The following NT5C1B variants were observed in gnomAD, a reference collection of about 807,000 sequenced individuals.
NT5C1B encodes cytosolic 5'-nucleotidase 1B.
NT5C1B carries 44 observed loss-of-function variants against 57.8 expected under a neutral mutation model. The observed-to-expected ratio is 0.76, with a 90% CI of 0.60 to 0.98. The LOEUF (loss-of-function observed/expected upper bound fraction) is 0.98, where lower values mean the gene tolerates loss of function less well. Among genes scored for constraint, NT5C1B ranks in the 50% least tolerant of loss-of-function variants. The pLI is 0.00. For missense variants in NT5C1B, 742 were observed against 719.5 expected (o/e 1.03, Z -0.36); for synonymous variants, 284 against 282.6 (o/e 1.00, Z -0.05).
At chr2:18,569,960 A>G (rs1046013822) in intron 8 of NT5C1B, among the ~76,000 whole-genome samples, 9 of 152,112 alleles carry the variant, frequency 5.9e-5, no homozygotes, top group Non-Finnish European at 8.8e-5. Context: ...TTGGCATAAA[A>G]CATACCACAA....
At chr2:18,589,134 T>C (rs534062662) in intron 1 of NT5C1B, among the ~76,000 whole-genome samples, 25 of 152,258 alleles carry the variant, frequency 1.6e-4, no homozygotes, top group Non-Finnish European at 3.4e-4. Flanking sequence ...AGACAGCCAC[T>C]GTTTTTACCT....
intron 2 of NT5C1B, 47 bp from the exon 3 acceptor site, chr2:18,586,438 C>A: frequency 6.2e-7 from 1 of 1,606,992 alleles, no homozygotes; most frequent in Admixed American, 1.7e-5. Flanking sequence ...CCATCACCAA[C>A]TCCTTCTATA....
At chr2:18,564,482 C>T (rs1572290720) in intron 8 of NT5C1B, among the ~76,000 whole-genome samples, 1 of 152,102 alleles carries the variant, frequency 6.6e-6, no homozygotes, top group African/African-American at 2.4e-5. Context: ...AATTAGTTAC[C>T]AAAGCACTAC....
intron 8 of NT5C1B, among the ~76,000 whole-genome samples, chr2:18,572,120 A>G (rs1665259045): frequency 6.6e-6 from 1 of 151,564 alleles, no homozygotes; most frequent in Admixed American, 6.6e-5. Flanking sequence ...CTATAAAACT[A>G]CAATAATCAA....
chr2:18,578,011 A>G (rs2148136097), intron 6 of NT5C1B, among the ~76,000 whole-genome samples: 1 of 152,300 alleles, frequency 6.6e-6, no homozygotes, highest in East Asian at 1.9e-4. Context: ...CATAGAAACT[A>G]GAAAACCTAG....
chr2:18,576,389 A>G, intron 7 of NT5C1B, 21 bp from the exon 8 acceptor site: 12 of 1,601,548 alleles, frequency 7.5e-6, no homozygotes, highest in Non-Finnish European at 1.0e-5. Context: ...ATGGAGACTG[A>G]TTAATACTCT....
chr2:18,563,994 G>A (rs769673623), exon 9 of NT5C1B: 16 of 1,614,002 alleles, frequency 9.9e-6, no homozygotes, highest in Middle Eastern at 1.6e-4. Context: ...GCACACGGGC[G>A]CCTGAACTGG....
chr2:18,586,898 A>G lies in NT5C1B; in HGVS notation c.121-507T>C, dbSNP rs78862800. The G allele has an allele frequency of 5.3e-3, 8,421 of 1,578,776 alleles. 31 individuals carry two copies. The highest frequency in any genetic ancestry group is 6.2e-3 in the Non-Finnish European group (7,130 of 1,159,276). On this transcript the variant is annotated intron_variant, in intron 2 of 8. Transcript: ENST00000304081. ...AAACAAGAATGAAGGACCCCCCGGA[A>G]CAGCAAAGTAAAAGAGTTTCTATTT...
chr2:18,588,446 C>CAATGTTAGTTGCATGAG (rs1427595322), intron 1 of NT5C1B, among the ~76,000 whole-genome samples: 11 of 152,156 alleles, frequency 7.2e-5, no homozygotes, highest in Non-Finnish European at 1.5e-4. Context: ...AAAATCTCAT[C>CAATGTTAGTTGCATGAG]AATGTTAGTT....
intron 1 of NT5C1B, among the ~76,000 whole-genome samples, chr2:18,588,829 A>T (rs1157901107): frequency 1.3e-5 from 2 of 152,194 alleles, no homozygotes; most frequent in East Asian, 3.9e-4. Flanking sequence ...TGGTTTGACC[A>T]GGAGCCTCAT....
intron 3 of NT5C1B, among the ~76,000 whole-genome samples, chr2:18,585,373 T>C (rs1666605692): frequency 6.6e-6 from 1 of 152,178 alleles, no homozygotes; most frequent in Non-Finnish European, 1.5e-5. Flanking sequence ...GGATCTTGCT[T>C]GGCCAGTGCC....
At position 18,589,438 on chromosome 2, in the gene NT5C1B, C is replaced by T. The variant is rs997699333; in HGVS notation, c.30+1G>A. The T allele has an allele frequency of 5.6e-6, 9 of 1,613,990 alleles. No homozygotes were observed. In the Admixed American group the frequency reaches 1.3e-4, roughly 24 times the overall value. On this transcript the variant is annotated splice_donor_variant, in intron 1 of 8. Coordinates refer to ENST00000304081, the Ensembl canonical transcript of NT5C1B. LOFTEE classifies it high-confidence loss of function. ...GATTCTAAGACACTCGGTTCACTCA[C>T]CTTTTTCTGTTTGAGAGATGTTTGA...
intron 8 of NT5C1B, among the ~76,000 whole-genome samples, chr2:18,569,640 T>A (rs1308545217): frequency 6.6e-6 from 1 of 152,054 alleles, no homozygotes; most frequent in Admixed American, 6.6e-5. Context: ...AAGATATTAA[T>A]TAAGATTAAG....
In NT5C1B at chr2:18,584,539, T is replaced by G; in HGVS notation, c.698A>C (p.Asn233Thr). 6.2e-7 allele frequency: 1 copy of G among 1,611,218 alleles called. No individual in the cohort carries two copies. Among genetic ancestry groups the G allele is most frequent in the Non-Finnish European group, 8.5e-7 (1 of 1,179,044 alleles). ...CGGCCAGGGGCGCGAGCAGCTCGGG[T>G]TCTTCTCGTAGAACGACCTCATGGA... The change falls in exon 4 of 9, where the codon AAC becomes ACC. Residue 233 changes from asparagine to threonine, a missense_variant. Physicochemically the swap from Asn to Thr is moderately conservative, Grantham distance 65 (BLOSUM62 0). Coordinates refer to ENST00000304081, the Ensembl canonical transcript of NT5C1B. The surrounding 1 kb of genome is among the most constrained non-coding windows in gnomAD (Gnocchi z 5.8).
chr2:18,576,119 A>G (rs541933727), intron 8 of NT5C1B, 65 bp downstream of exon 8: 122 of 1,449,224 alleles, frequency 8.4e-5, no homozygotes, highest in Non-Finnish European at 1.0e-4. Flanking sequence ...ATGGACCAAT[A>G]TTGATATTTA....
At chr2:18,577,804 AG>A (rs771477837) in intron 6 of NT5C1B, among the ~76,000 whole-genome samples, 26 of 152,224 alleles carry the variant, frequency 1.7e-4, no homozygotes, top group Admixed American at 7.8e-4. Context: ...AATATACAAA[AG>A]ATCAAAAAAC....
chr2:18,571,244 T>C lies in NT5C1B; in HGVS notation c.1329+4940A>G, dbSNP rs142746890. Among the ~76,000 whole-genome samples, 573 of 152,306 alleles carry C rather than the reference T, an allele frequency of 3.8e-3. 14 individuals are homozygous for C. The highest frequency in any genetic ancestry group is 0.032 in the Admixed American group (486 of 15,292). On this transcript the variant is annotated intron_variant, in intron 8 of 8. Transcript: ENST00000304081. The stretch of plus-strand genomic sequence containing the variant: ...GGAAACACAGAAATAAAACTGTCTT[T>C]AGTCACAGTCAACATTATTGTTGAC...
At chr2:18,571,041 A>G (rs1055119788) in intron 8 of NT5C1B, among the ~76,000 whole-genome samples, 6 of 152,190 alleles carry the variant, frequency 3.9e-5, no homozygotes, top group African/African-American at 1.2e-4. Flanking sequence ...AGCTCCCTCA[A>G]CCTGACAAAA....
At chr2:18,589,445 C>A in exon 1 of NT5C1B, 1 of 1,614,098 alleles carries the variant, frequency 6.2e-7, no homozygotes, top group Non-Finnish European at 8.5e-7. Flanking sequence ...TCACCTTTTT[C>A]TGTTTGAGAG....
Sources: gnomAD v4.1 joint callset for allele counts (sites outside exome capture counted in the v4.1 genomes callset) on GRCh38, gnomAD v4.1.1 for gene constraint, Gnocchi (gnomAD v3.1) non-coding constraint, MANE v1.5 for transcripts, NCBI Gene and HGNC (gene_info 2026-07-23, HGNC 2026-07-21) for gene names.